The following DACH1 variants were observed in gnomAD, a reference collection of about 807,000 sequenced individuals.
DACH1 encodes the protein dachshund homolog 1.
In DACH1, 12 loss-of-function variants were observed where a neutral mutation model predicts 54.2. The observed-to-expected ratio is 0.22, with a 90% CI of 0.14 to 0.36. The LOEUF is 0.36. DACH1 is among the 10% of genes least tolerant of loss of function. DACH1 has a pLI of 1.00. For synonymous variants in DACH1, 386 were observed against 366.2 expected, an observed-to-expected ratio of 1.05 and a Z score of -0.62; for missense variants, 805 against 929.8, an observed-to-expected ratio of 0.87 and a Z score of 1.75.
intron 1 of DACH1, among the ~76,000 whole-genome samples, chr13:71,823,035 C>T (rs898920203): frequency 2.6e-5 from 4 of 152,034 alleles, no homozygotes; most frequent in Admixed American, 2.0e-4. Context: ...AGCACCAACA[C>T]AAAAGCGGTG....
intron 3 of DACH1, among the ~76,000 whole-genome samples, chr13:71,614,397 A>G (rs1026710943): frequency 2.0e-5 from 3 of 152,184 alleles, no homozygotes; most frequent in African/African-American, 7.2e-5. Context: ...TATTTACAGA[A>G]TCCTGAGAAA....
intron 2 of DACH1, among the ~76,000 whole-genome samples, chr13:71,641,276 TAGAATAAAGAATAC>T (rs1227075515): frequency 6.6e-6 from 1 of 151,862 alleles, no homozygotes; most frequent in Non-Finnish European, 1.5e-5. Flanking sequence ...TACACACACA[TAGAATAAAGAATAC>T]AGACACACAG....
intron 1 of DACH1, among the ~76,000 whole-genome samples, chr13:71,713,745 C>A (rs1326740804): frequency 6.6e-6 from 1 of 152,014 alleles, no homozygotes; most frequent in East Asian, 1.9e-4. Context: ...TCATTCCCAT[C>A]TCGTTCAATA....
intron 3 of DACH1, among the ~76,000 whole-genome samples, chr13:71,613,583 C>A (rs1474610074): frequency 2.0e-5 from 3 of 152,086 alleles, no homozygotes. Context: ...TTTGAGTTAT[C>A]GCACTGGCAA....
At position 71,440,676 on chromosome 13, in the gene DACH1, C is replaced by G. The variant is rs376759866; in HGVS notation, c.2100G>C (p.Leu700Phe). The part of the protein sequence containing the change: ...ERTIQDGRLY[L>F]KTTVMY The stretch of plus-strand genomic sequence containing the variant: ...AGATTCAGTACATGACAGTAGTTTT[C>G]AAATACAGTCTTCCATCTAGAAATG... The change falls in exon 11 of 11, where the codon TTG becomes TTC. Residue 700 changes from leucine (L) to phenylalanine (F), a missense_variant. This residue lies in a region of DACH1 where 472 missense variants were observed against 545.3 expected (regional missense o/e 0.87). Coordinates refer to ENST00000613252, the MANE Select transcript of DACH1 (RefSeq NM_080759.6). 1.6e-5 allele frequency: 26 copies of G among 1,604,716 alleles called. No individual in the cohort carries two copies. The highest frequency in any genetic ancestry group is 2.2e-5 in the Non-Finnish European group (26 of 1,175,376).
chr13:71,519,969 C>T (rs1165561828), intron 6 of DACH1, among the ~76,000 whole-genome samples: 2 of 138,970 alleles, frequency 1.4e-5, no homozygotes, highest in Non-Finnish European at 3.1e-5. Context: ...ATCAAGACAC[C>T]ATTAAACAAG....
intron 1 of DACH1, among the ~76,000 whole-genome samples, chr13:71,836,269 A>G (rs1315954136): frequency 6.6e-6 from 1 of 152,062 alleles, no homozygotes; most frequent in Non-Finnish European, 1.5e-5. Context: ...CCAAAAAAAA[A>G]GACTAAAATA....
chr13:71,596,750 C>A (rs889044679), intron 3 of DACH1, among the ~76,000 whole-genome samples: 6 of 152,224 alleles, frequency 3.9e-5, no homozygotes, highest in African/African-American at 1.2e-4. Flanking sequence ...CCACAGAAAA[C>A]AGAACACTGG....
At chr13:71,554,270 C>T (rs1046902696) in intron 6 of DACH1, among the ~76,000 whole-genome samples, 14 of 151,892 alleles carry the variant, frequency 9.2e-5, no homozygotes, top group South Asian at 2.1e-4. Context: ...CATAACAAAA[C>T]GCTTACTAGA....
chr13:71,506,453 A>G (rs1321450974), intron 6 of DACH1, among the ~76,000 whole-genome samples: 1 of 151,698 alleles, frequency 6.6e-6, no homozygotes, highest in Non-Finnish European at 1.5e-5. Flanking sequence ...ATGTCCCTAC[A>G]AAGGACATGA....
chr13:71,811,619 G>T (rs1474589468), intron 1 of DACH1, among the ~76,000 whole-genome samples: 2 of 152,130 alleles, frequency 1.3e-5, no homozygotes, highest in African/African-American at 2.4e-5. Flanking sequence ...TAAGTATTAA[G>T]TATACTTAGG....
At chr13:71,475,669 A>G (rs778811870) in intron 9 of DACH1, 37 bp downstream of exon 9, 7 of 1,582,208 alleles carry the variant, frequency 4.4e-6, no homozygotes, top group Non-Finnish European at 6.0e-6. Flanking sequence ...AGCATTAAAA[A>G]TGACAGTTAT....
chr13:71,692,496 CTTTT>C (rs1437887446), intron 1 of DACH1, among the ~76,000 whole-genome samples: 2 of 74,456 alleles, frequency 2.7e-5, no homozygotes, highest in Non-Finnish European at 5.1e-5. Context: ...CTTTTTCTTT[CTTTT>C]CTTTCCTTTT....
Position 71,866,086 on chromosome 13 carries a change from C to T in DACH1, c.684G>A (p.Thr228=). The T allele has an allele frequency of 6.2e-7, 1 of 1,613,758 alleles. No individual in the cohort carries two copies. The highest frequency in any genetic ancestry group is 8.5e-7 in the Non-Finnish European group (1 of 1,179,914). The change falls in exon 1 of 11, where the codon ACG becomes ACA. Residue 228 remains threonine (T), a synonymous_variant. Coordinates refer to ENST00000613252, the MANE Select transcript of DACH1 (RefSeq NM_080759.6). ...FLKHLVGGLH[T]VYTKLKRLEI... ...CCAGCCGCTTCAGCTTGGTGTAGAC[C>T]GTATGCAAGCCCCCCACCAAGTGCT...
At chr13:71,628,994 C>G (rs948163562) in intron 3 of DACH1, among the ~76,000 whole-genome samples, 2 of 152,030 alleles carry the variant, frequency 1.3e-5, no homozygotes, top group African/African-American at 2.4e-5. Flanking sequence ...ATTTTGAAAA[C>G]AATCCAGATT....
chr13:71,557,697 G>A (rs1025373234), intron 5 of DACH1, among the ~76,000 whole-genome samples: 1 of 151,980 alleles, frequency 6.6e-6, no homozygotes, highest in Admixed American at 6.6e-5. Flanking sequence ...CTGTAGAAAT[G>A]TGTGTTTCCT....
chr13:71,525,297 G>T (rs908972720), intron 6 of DACH1, among the ~76,000 whole-genome samples: 16 of 152,050 alleles, frequency 1.1e-4, no homozygotes, highest in African/African-American at 3.6e-4. Flanking sequence ...AACAAAAATG[G>T]ACTATTTACT....
At chr13:71,575,468 T>C (rs1335494513) in intron 3 of DACH1, among the ~76,000 whole-genome samples, 1 of 152,034 alleles carries the variant, frequency 6.6e-6, no homozygotes, top group Non-Finnish European at 1.5e-5. Context: ...AAGTCCTTAC[T>C]GCCACGATAA....
chr13:71,449,925 T>TG (rs1443012012), intron 10 of DACH1, among the ~76,000 whole-genome samples: 1 of 66,890 alleles, frequency 1.5e-5, no homozygotes, highest in Non-Finnish European at 2.8e-5. Flanking sequence ...TGTTGTGGGG[T>TG]GGGGGGAGGG....
Sources: gnomAD v4.1 joint callset for allele counts (sites outside exome capture counted in the v4.1 genomes callset) on GRCh38, gnomAD v4.1.1 for gene constraint, gnomAD v4.1.1 regional missense constraint, MANE v1.5 for transcripts, NCBI Gene and HGNC (gene_info 2026-07-23, HGNC 2026-07-21) for gene names.